FSTL5: variants seen among roughly 807,000 people sequenced by gnomAD.
FSTL5 encodes follistatin like 5.
A neutral mutation model predicts 89.1 loss-of-function variants in FSTL5; 62 were observed. The observed-to-expected ratio is 0.70, with a 90% CI of 0.57 to 0.86. The LOEUF is 0.86. Ranked by LOEUF, FSTL5 falls within the 40% of genes least tolerant of loss-of-function variation. FSTL5 has a pLI of 0.00. For missense variants in FSTL5, 1,057 were observed against 1,001.6 expected (o/e 1.06, Z -0.75); for synonymous variants, 383 against 346.2 (o/e 1.11, Z -1.18).
At chr4:161,786,917 AC>A (rs1741925732) in intron 4 of FSTL5, among the ~76,000 whole-genome samples, 1 of 152,076 alleles carries the variant, frequency 6.6e-6, no homozygotes, top group Admixed American at 6.5e-5. Flanking sequence ...TGCATATTTG[AC>A]TTTTTTTATT....
intron 3 of FSTL5, among the ~76,000 whole-genome samples, chr4:162,026,304 C>CTTTTTTTTTTTGTTTTTTTTTTTTTTTTT (rs1737283573): frequency 1.3e-5 from 1 of 79,474 alleles, no homozygotes; most frequent in Non-Finnish European, 2.2e-5. Flanking sequence ...TATGTATTTT[C>CTTTTTTTTTTTGTTTTTTTTTTTTTTTTT]TTTTTTTTTT....
chr4:161,654,632 T>C (rs1177383403), intron 7 of FSTL5, among the ~76,000 whole-genome samples: 4 of 152,116 alleles, frequency 2.6e-5, no homozygotes, highest in Admixed American at 6.6e-5. Context: ...TCTGGGACAT[T>C]AAACAAAAAC....
chr4:161,415,535 G>A (rs968729346), intron 15 of FSTL5, among the ~76,000 whole-genome samples: 11 of 152,042 alleles, frequency 7.2e-5, no homozygotes, highest in African/African-American at 2.4e-4. Context: ...GATTTCAGGC[G>A]TGAGTCACCA....
chr4:162,044,294 A>G (rs973020255), intron 2 of FSTL5, among the ~76,000 whole-genome samples: 1 of 152,180 alleles, frequency 6.6e-6, no homozygotes, highest in Non-Finnish European at 1.5e-5. Flanking sequence ...GTAAATCTAT[A>G]TCAGTGCTTA....
At chr4:161,926,654 C>G (rs551358800) in intron 3 of FSTL5, among the ~76,000 whole-genome samples, 1 of 151,830 alleles carries the variant, frequency 6.6e-6, no homozygotes, top group African/African-American at 2.4e-5. Context: ...GAAAGCAGAA[C>G]AGAGTGTGAT....
intron 3 of FSTL5, among the ~76,000 whole-genome samples, chr4:161,978,527 T>G (rs1735728540): frequency 6.6e-6 from 1 of 152,154 alleles, no homozygotes; most frequent in Non-Finnish European, 1.5e-5. Flanking sequence ...TTTTATCAAT[T>G]TATTTGAAAA....
intron 3 of FSTL5, among the ~76,000 whole-genome samples, chr4:161,962,222 C>T (rs1228915083): frequency 2.0e-5 from 3 of 151,684 alleles, no homozygotes; most frequent in Non-Finnish European, 4.4e-5. Flanking sequence ...TAAGAAAGGT[C>T]CAGATTTACA....
chr4:161,942,128 A>G (rs964512527), intron 3 of FSTL5, among the ~76,000 whole-genome samples: 2 of 151,944 alleles, frequency 1.3e-5, no homozygotes, highest in Admixed American at 6.6e-5. Context: ...TTATGAGATG[A>G]AGAGAGAGAA....
chr4:161,766,622 C>T (rs537800551), intron 5 of FSTL5, among the ~76,000 whole-genome samples: 1 of 152,232 alleles, frequency 6.6e-6, no homozygotes, highest in East Asian at 1.9e-4. Flanking sequence ...CTTTTGTCCT[C>T]AATTACTTAT....
chr4:161,461,386 T>C (rs1414066668), intron 13 of FSTL5, among the ~76,000 whole-genome samples: 3 of 129,672 alleles, frequency 2.3e-5, no homozygotes, highest in Non-Finnish European at 4.6e-5. Context: ...GGCATGAACC[T>C]GGGAGGCGGT....
At chr4:162,037,614 C>T (rs186339881) in intron 2 of FSTL5, among the ~76,000 whole-genome samples, 1 of 151,926 alleles carries the variant, frequency 6.6e-6, no homozygotes. Flanking sequence ...CTCTCCCATA[C>T]AGTTTTATAT....
chr4:161,991,480 CAT>C (rs998482610), intron 3 of FSTL5, among the ~76,000 whole-genome samples: 2 of 152,090 alleles, frequency 1.3e-5, no homozygotes, highest in Admixed American at 6.5e-5. Flanking sequence ...ATTATTAACT[CAT>C]TTGAAAATGT....
At chr4:161,476,119 T>A (rs1447699498) in intron 13 of FSTL5, among the ~76,000 whole-genome samples, 1 of 150,874 alleles carries the variant, frequency 6.6e-6, no homozygotes, top group Non-Finnish European at 1.5e-5. Context: ...CATTCAAATC[T>A]AATAATTGTG....
At chr4:161,910,651 C>G (rs1006582777) in intron 4 of FSTL5, among the ~76,000 whole-genome samples, 1 of 152,164 alleles carries the variant, frequency 6.6e-6, no homozygotes, top group South Asian at 2.1e-4. Context: ...TTATCAGTGG[C>G]ACTTCTGTCA....
chr4:162,001,735 C>T (rs1736471032), intron 3 of FSTL5, among the ~76,000 whole-genome samples: 1 of 152,006 alleles, frequency 6.6e-6, no homozygotes, highest in African/African-American at 2.4e-5. Flanking sequence ...CTCTTCAAGC[C>T]CAGGATTTTG....
At chr4:161,420,981 G>T (rs563470768) in intron 15 of FSTL5, among the ~76,000 whole-genome samples, 2 of 151,780 alleles carry the variant, frequency 1.3e-5, no homozygotes, top group South Asian at 2.1e-4. Flanking sequence ...ATATTTCATT[G>T]TCTATTAATA....
intron 6 of FSTL5, among the ~76,000 whole-genome samples, chr4:161,663,286 G>C (rs1225219022): frequency 6.6e-6 from 1 of 152,078 alleles, no homozygotes; most frequent in Non-Finnish European, 1.5e-5. Context: ...ACAGTCCAAA[G>C]TCTCATCTGA....
intron 8 of FSTL5, among the ~76,000 whole-genome samples, chr4:161,583,361 G>C (rs956548549): frequency 1.3e-5 from 2 of 152,128 alleles, no homozygotes; most frequent in African/African-American, 4.8e-5. Flanking sequence ...AATCATAATA[G>C]AGGAAGCTTA....
intron 2 of FSTL5, among the ~76,000 whole-genome samples, chr4:162,065,762 T>A (rs1738874142): frequency 6.6e-6 from 1 of 152,058 alleles, no homozygotes; most frequent in South Asian, 2.1e-4. Flanking sequence ...TCTTCAACTC[T>A]ATGTTCACTG....
Sources: allele counts gnomAD v4.1 joint callset (sites outside exome capture counted in the v4.1 genomes callset), GRCh38; gene constraint gnomAD v4.1.1; transcripts MANE v1.5; gene names NCBI Gene and HGNC (gene_info 2026-07-23, HGNC 2026-07-21).